Variants in SPOCK3 observed in about 807,000 individuals in gnomAD.
SPOCK3 encodes testican-3.
A neutral mutation model predicts 56.6 loss-of-function variants in SPOCK3; 30 were observed. The observed-to-expected ratio is 0.53, with a 90% confidence interval of 0.40 to 0.72. The LOEUF (loss-of-function observed/expected upper bound fraction) is 0.72. Among genes scored for constraint, SPOCK3 ranks in the 30% least tolerant of loss-of-function variants. The pLI, the probability that SPOCK3 is intolerant of heterozygous loss-of-function variation, is 0.00. For missense variants in SPOCK3, 527 were observed against 530.0 expected (o/e 0.99, Z 0.06); for synonymous variants, 196 against 183.3 (o/e 1.07, Z -0.56).
At position 167,012,282 on chromosome 4, in the gene SPOCK3, C is replaced by T. The variant is rs190327874; in HGVS notation, c.236-11819G>A. Among the ~76,000 whole-genome samples the T allele has an allele frequency of 5.3e-5, 8 of 151,832 alleles. No individual in the cohort carries two copies. In the East Asian group the frequency reaches 5.8e-4, roughly 11 times the overall value. ...CAGCCTCTACTAGTATATATGCAAACGTGTAACTTTCCTCATATGAGCTGG... is the reference window on the plus strand; with the variant it reads ...CAGCCTCTACTAGTATATATGCAAATGTGTAACTTTCCTCATATGAGCTGG... On this transcript the variant is annotated intron_variant, in intron 3 of 10. Coordinates refer to ENST00000357545, the MANE Select transcript of SPOCK3 (RefSeq NM_001040159.2).
At chr4:166,744,052 A>T (rs1735235100) in intron 8 of SPOCK3, among the ~76,000 whole-genome samples, 1 of 152,176 alleles carries the variant, frequency 6.6e-6, no homozygotes. Context: ...ACAAAAGGCA[A>T]CAGAAACTTC....
intron 4 of SPOCK3, among the ~76,000 whole-genome samples, chr4:166,991,030 G>A (rs1747726404): frequency 2.0e-5 from 3 of 152,038 alleles, no homozygotes; most frequent in African/African-American, 7.2e-5. Context: ...AATAAATTAT[G>A]CACATTTTGT....
intron 7 of SPOCK3, among the ~76,000 whole-genome samples, chr4:166,767,125 T>C (rs1474392676): frequency 2.6e-5 from 4 of 152,114 alleles, no homozygotes; most frequent in East Asian, 3.9e-4. Flanking sequence ...TTTGTTGATC[T>C]TTTCAAAAAA....
chr4:167,011,083 C>T (rs1749998678), intron 3 of SPOCK3: 1 of 252,470 alleles, frequency 4.0e-6, no homozygotes, highest in Admixed American at 4.5e-5. Context: ...TATCAAAACT[C>T]ACAATTGGTG....
At chr4:166,840,750 T>C (rs1747151833) in intron 6 of SPOCK3, among the ~76,000 whole-genome samples, 1 of 149,056 alleles carries the variant, frequency 6.7e-6, no homozygotes, top group Admixed American at 6.7e-5. Context: ...CTATGTCTAA[T>C]TCATCTTCCC....
chr4:166,735,607 T>A (rs1734139410), intron 10 of SPOCK3, among the ~76,000 whole-genome samples: 1 of 151,192 alleles, frequency 6.6e-6, no homozygotes. Flanking sequence ...AAAAAAAAAA[T>A]GTTTTCCAGA....
rs534506898 is a variant in SPOCK3 at position 167,060,961 on chromosome 4, C to G, written c.235+1531G>C. 1.3e-5 allele frequency among the ~76,000 whole-genome samples: 2 copies of G among 152,112 alleles called. 1 individual carries two copies. Among genetic ancestry groups the G allele is most frequent in the South Asian group, 4.1e-4 (2 of 4,826 alleles). On this transcript the variant is annotated intron_variant, in intron 3 of 10. Coordinates refer to ENST00000357545, the MANE Select transcript of SPOCK3 (RefSeq NM_001040159.2). ...TAGTGACTCAAAATAGGACATTCTT[C>G]ATAAACATTAGCTATTATCATGTCA...
At chr4:167,003,933 T>A (rs1749203605) in intron 3 of SPOCK3, among the ~76,000 whole-genome samples, 1 of 152,202 alleles carries the variant, frequency 6.6e-6, no homozygotes, top group African/African-American at 2.4e-5. Context: ...GTCCAGAATT[T>A]TTCCCAGTTA....
At chr4:167,173,650 C>T (rs563781495) in intron 2 of SPOCK3, among the ~76,000 whole-genome samples, 8 of 152,180 alleles carry the variant, frequency 5.3e-5, no homozygotes, top group African/African-American at 1.7e-4. Context: ...TTTTCTTAAT[C>T]GAACAGGCGT....
intron 2 of SPOCK3, among the ~76,000 whole-genome samples, chr4:167,124,189 G>C (rs1019982675): frequency 6.6e-6 from 1 of 152,134 alleles, no homozygotes; most frequent in Non-Finnish European, 1.5e-5. Flanking sequence ...CTACAGACTA[G>C]TCCTTGAATT....
At chr4:167,198,911 A>G (rs1733229080) in intron 2 of SPOCK3, among the ~76,000 whole-genome samples, 1 of 152,122 alleles carries the variant, frequency 6.6e-6, no homozygotes, top group Admixed American at 6.6e-5. Context: ...TTTATTTATT[A>G]ATTTAAGAAG....
intron 6 of SPOCK3, among the ~76,000 whole-genome samples, chr4:166,829,762 A>G (rs954321281): frequency 9.9e-5 from 15 of 152,120 alleles, no homozygotes; most frequent in African/African-American, 2.7e-4. Flanking sequence ...GTAGCTTATC[A>G]TAACACGTGG....
intron 2 of SPOCK3, among the ~76,000 whole-genome samples, chr4:167,154,576 G>T (rs746133891): frequency 3.3e-5 from 5 of 152,130 alleles, no homozygotes; most frequent in Non-Finnish European, 5.9e-5. Context: ...TACCTCAATA[G>T]AAATGGGAGG....
chr4:166,814,412 A>G (rs1398163774), intron 6 of SPOCK3, among the ~76,000 whole-genome samples: 3 of 152,010 alleles, frequency 2.0e-5, no homozygotes, highest in Non-Finnish European at 4.4e-5. Flanking sequence ...GAATCAGTAG[A>G]CTGGGAGAGG....
At chr4:166,860,809 A>ATATATATATATATATATATATATATG (rs1560943091) in intron 6 of SPOCK3, among the ~76,000 whole-genome samples, 3 of 143,312 alleles carry the variant, frequency 2.1e-5, no homozygotes, top group African/African-American at 5.2e-5. Context: ...ATTCATATAT[A>ATATATATATATATATATATATATATG]TATATATGTA....
At chr4:166,819,466 A>G (rs538620408) in intron 6 of SPOCK3, among the ~76,000 whole-genome samples, 21 of 152,220 alleles carry the variant, frequency 1.4e-4, no homozygotes, top group African/African-American at 5.1e-4. Flanking sequence ...ATCTGTATAG[A>G]AAGTCCTAAG....
intron 5 of SPOCK3, among the ~76,000 whole-genome samples, chr4:166,896,025 A>T (rs1172086957): frequency 2.6e-5 from 4 of 152,132 alleles, no homozygotes; most frequent in Non-Finnish European, 2.9e-5. Flanking sequence ...TTTGGGAAGA[A>T]GTCCTGGCAA....
chr4:167,049,285 T>G lies in SPOCK3; in HGVS notation c.235+13207A>C, dbSNP rs186159066. Among the ~76,000 whole-genome samples, 9 of 152,216 alleles carry G rather than the reference T, an allele frequency of 5.9e-5. 1 individual carries two copies. The highest frequency in any genetic ancestry group is 2.6e-4 in the Admixed American group (4 of 15,276). On this transcript the variant is annotated intron_variant, in intron 3 of 10. Coordinates refer to ENST00000357545, the MANE Select transcript of SPOCK3 (RefSeq NM_001040159.2). ...AGGTTCAAAACTGAATTATAAAATATTTGTAAGTAAAGTGGGTACAATACT... is the reference window on the plus strand; with the variant it reads ...AGGTTCAAAACTGAATTATAAAATAGTTGTAAGTAAAGTGGGTACAATACT...
chr4:166,997,072 A>C (rs1225987776), intron 4 of SPOCK3, among the ~76,000 whole-genome samples: 1 of 151,950 alleles, frequency 6.6e-6, no homozygotes, highest in Non-Finnish European at 1.5e-5. Context: ...AGAAAACCAA[A>C]CACCACATGT....
Sources: gnomAD v4.1 joint callset for allele counts (sites outside exome capture counted in the v4.1 genomes callset) on GRCh38, gnomAD v4.1.1 for gene constraint, MANE v1.5 for transcripts, NCBI Gene and HGNC (gene_info 2026-07-23, HGNC 2026-07-21) for gene names.